ANK2: variants seen among roughly 807,000 people sequenced by gnomAD.
ANK2 encodes ankyrin-2.
Under a neutral mutation model 360.5 loss-of-function variants are expected in ANK2, and 83 were observed. That is an observed-to-expected ratio of 0.23 (90% CI 0.19 to 0.28). The LOEUF is 0.28. Among genes scored for constraint, ANK2 ranks in the 10% least tolerant of loss-of-function variants. The pLI, the probability that ANK2 is intolerant of heterozygous loss-of-function variation, is 1.00. For missense variants in ANK2, 4,201 were observed against 4,795.7 expected (o/e 0.88, Z 3.66); for synonymous variants, 1,740 against 1,759.5 (o/e 0.99, Z 0.28).
chr4:113,254,783 A>T (rs1027732265), intron 10 of ANK2, among the ~76,000 whole-genome samples: 1 of 152,200 alleles, frequency 6.6e-6, no homozygotes, highest in Non-Finnish European at 1.5e-5. Flanking sequence ...AAATATCCAG[A>T]TACAATTTCT....
chr4:112,862,691 AT>A (rs1008132500), intron 1 of ANK2, among the ~76,000 whole-genome samples: 17 of 152,106 alleles, frequency 1.1e-4, no homozygotes, highest in Middle Eastern at 3.4e-3. Context: ...GTATTCTTAG[AT>A]TTTTTTTGCA....
At chr4:112,851,020 A>T (rs866910010) in intron 1 of ANK2, among the ~76,000 whole-genome samples, 2 of 152,196 alleles carry the variant, frequency 1.3e-5, no homozygotes, top group Admixed American at 6.5e-5. Flanking sequence ...CTAAGGTTTT[A>T]TGGGACCAAT....
rs115401096 is a variant in ANK2 at position 112,866,419 on chromosome 4, A to G, written c.-39-38036A>G. 9.2e-3 allele frequency among the ~76,000 whole-genome samples: 1,401 copies of G among 152,330 alleles called. 4 individuals carry two copies. Among genetic ancestry groups the G allele is most frequent in the Non-Finnish European group, 0.015 (1,012 of 68,016 alleles). On this transcript the variant is annotated intron_variant, in intron 1 of 30. Transcript: ENST00000503271. ...AAAGTGAGTGAGTGACTAAACCCAC[A>G]CTATGTAATAAAAATAACATGAAGT...
chr4:113,205,702 A>G (rs1229148691), intron 4 of ANK2, among the ~76,000 whole-genome samples: 1 of 152,156 alleles, frequency 6.6e-6, no homozygotes, highest in Non-Finnish European at 1.5e-5. Flanking sequence ...CACCCACTAT[A>G]TGCAATGATA....
At chr4:113,241,964 C>A in intron 8 of ANK2, 147 bp from the exon 9 acceptor site, 1 of 701,986 alleles carries the variant, frequency 1.4e-6, no homozygotes, top group Non-Finnish European at 2.6e-6. Flanking sequence ...ATTTTTGTTC[C>A]TTAAAAATCA....
intron 1 of ANK2, among the ~76,000 whole-genome samples, chr4:113,156,616 A>G (rs7674543): frequency 0.69 from 104,138 of 151,462 alleles, 36,382 homozygotes; most frequent in African/African-American, 0.81. Context: ...GTCTTCCTTG[A>G]CCTCCCAAAG....
At chr4:113,002,571 G>A (rs2051184656) in intron 2 of ANK2, among the ~76,000 whole-genome samples, 1 of 152,112 alleles carries the variant, frequency 6.6e-6, no homozygotes, top group South Asian at 2.1e-4. Flanking sequence ...GTGGGGTGGG[G>A]GGAGAGGGGA....
chr4:113,119,120 A>G (rs1386750876), intron 1 of ANK2, among the ~76,000 whole-genome samples: 3 of 152,192 alleles, frequency 2.0e-5, no homozygotes, highest in African/African-American at 4.8e-5. Context: ...AACCATAGGC[A>G]AGATTATTGG....
chr4:112,775,515 T>TCTCACACACACACACACACACACACACA, the ANK2 span, among the ~76,000 whole-genome samples: 1 of 118,156 alleles, frequency 8.5e-6, no homozygotes, highest in Non-Finnish European at 1.8e-5. Flanking sequence ...CTAAGCTCCA[T>TCTCACACACACACACACACACACACACA]CACACACACA....
chr4:112,810,685 G>T, the ANK2 span, among the ~76,000 whole-genome samples: 23 of 151,868 alleles, frequency 1.5e-4, no homozygotes, highest in Non-Finnish European at 2.8e-4. Flanking sequence ...CTGAGTAGCT[G>T]GGATTACAGG....
intron 1 of ANK2, among the ~76,000 whole-genome samples, chr4:113,080,298 G>T (rs2081888050): frequency 6.6e-6 from 1 of 152,252 alleles, no homozygotes; most frequent in African/African-American, 2.4e-5. Flanking sequence ...AACATGTCAC[G>T]TGGTTAGCTG....
At chr4:113,343,651 A>C (rs1187022824) in intron 34 of ANK2, among the ~76,000 whole-genome samples, 7 of 152,196 alleles carry the variant, frequency 4.6e-5, no homozygotes, top group African/African-American at 1.7e-4. Context: ...ATTTGTGTGC[A>C]CCAGGTGTTT....
At chr4:113,000,255 G>C (rs1215243687) in intron 2 of ANK2, among the ~76,000 whole-genome samples, 1 of 152,232 alleles carries the variant, frequency 6.6e-6, no homozygotes, top group Non-Finnish European at 1.5e-5. Flanking sequence ...GGTGCCAGCT[G>C]TCTGTCTCTG....
intron 1 of ANK2, among the ~76,000 whole-genome samples, chr4:112,884,604 TTCTC>T (rs1043841977): frequency 2.7e-4 from 41 of 152,204 alleles, no homozygotes; most frequent in African/African-American, 9.9e-4. Context: ...TGACCATTGT[TTCTC>T]TCCCCTGCTC....
chr4:112,820,477 T>C (rs1017980298), intron 1 of ANK2, among the ~76,000 whole-genome samples: 1 of 152,212 alleles, frequency 6.6e-6, no homozygotes, highest in African/African-American at 2.4e-5. Flanking sequence ...TCTTTAAAAA[T>C]TAGGTGTTTT....
At chr4:113,307,322 G>C (rs1287175662) in intron 23 of ANK2, among the ~76,000 whole-genome samples, 1 of 151,728 alleles carries the variant, frequency 6.6e-6, no homozygotes, top group African/African-American at 2.4e-5. Context: ...CAGGAATAAT[G>C]CTTGCTTGAG....
chr4:112,787,747 G>A, the ANK2 span, among the ~76,000 whole-genome samples: 5 of 152,240 alleles, frequency 3.3e-5, no homozygotes, highest in African/African-American at 1.2e-4. Context: ...TTGGAAGGGG[G>A]GCACTTTCTG....
chr4:113,116,227 G>C lies in ANK2; in HGVS notation c.85-58189G>C, dbSNP rs12507241. ...TCAAGTAAATTTGCATTTAACAAAA[G>C]CCTTTGATAATTAATAATGAGTACC... On this transcript the variant is annotated intron_variant, in intron 1 of 45. Transcript: ENST00000357077. 3.8e-3 allele frequency among the ~76,000 whole-genome samples: 577 copies of C among 152,236 alleles called. 20 individuals carry two copies. The highest frequency in any genetic ancestry group is 0.032 in the Admixed American group (493 of 15,300).
chr4:113,373,667 T>A, intron 45 of ANK2: 1 of 744,596 alleles, frequency 1.3e-6, no homozygotes, highest in South Asian at 1.4e-5. Context: ...TTGTTTTTGT[T>A]TGGTCTTTTT....
Sources: allele counts gnomAD v4.1 joint callset (sites outside exome capture counted in the v4.1 genomes callset), GRCh38; gene constraint gnomAD v4.1.1; transcripts MANE v1.5; gene names NCBI Gene and HGNC (gene_info 2026-07-23, HGNC 2026-07-21).